The following SH3GLB1 variants were observed in gnomAD, a reference collection of about 807,000 sequenced individuals.
The protein encoded by SH3GLB1 is SH3 domain containing GRB2 like, endophilin B1, also known as endophilin-B1.
SH3GLB1 carries 17 observed loss-of-function variants against 42.0 expected under a neutral mutation model. The observed-to-expected ratio is 0.40, with a 90% CI of 0.28 to 0.61. The LOEUF is 0.61. SH3GLB1 is among the 20% of genes least tolerant of loss of function. The pLI is 0.36. For missense variants in SH3GLB1, 355 were observed against 426.3 expected, an observed-to-expected ratio of 0.83 and a Z score of 1.47; for synonymous variants, 132 against 146.6, an observed-to-expected ratio of 0.90 and a Z score of 0.72.
intron 1 of SH3GLB1, among the ~76,000 whole-genome samples, chr1:86,709,759 A>C (rs1558291232): frequency 6.6e-6 from 1 of 152,226 alleles, no homozygotes; most frequent in Admixed American, 6.5e-5. Flanking sequence ...TTAAAGTCAT[A>C]CTATGAAATT....
intron 5 of SH3GLB1, among the ~76,000 whole-genome samples, chr1:86,732,221 A>G (rs1157096567): frequency 6.6e-6 from 1 of 152,234 alleles, no homozygotes; most frequent in Non-Finnish European, 1.5e-5. Flanking sequence ...CAGATACCCA[A>G]TCTTGATATC....
rs1053588026 is a variant in SH3GLB1, at chr1:86,746,704, C to G, written c.*3469C>G. 2.0e-5 allele frequency: 3 copies of G among 152,170 alleles called. No individual in the cohort carries two copies. Among genetic ancestry groups the G allele is most frequent in the African/African-American group, 7.2e-5 (3 of 41,416 alleles). 9.4% of individuals were successfully genotyped at this position (152,170 alleles called of 1,614,324 possible). A position where few individuals can be genotyped will look rare whatever the true frequency, so the allele number is the denominator to read the frequency against. ...CCAACATGGGGAAACCCTGTCTCTA[C>G]TGAAAATATAAAAATTAGCCGGGCA... On this transcript the variant is annotated 3_prime_UTR_variant, in exon 9 of 9. Coordinates refer to ENST00000370558, the MANE Select transcript of SH3GLB1 (RefSeq NM_016009.5).
chr1:86,704,853 G>C lies in SH3GLB1; in HGVS notation c.-47G>C. On this transcript the variant is annotated 5_prime_UTR_variant, in exon 1 of 9. Coordinates refer to ENST00000370558, the MANE Select transcript of SH3GLB1 (RefSeq NM_016009.5). Reference sequence around the variant, plus strand: ...GCCCCAGCCCGGCCGCGGCACCTCCGCCTCGCCGCCGCTAGGTCGGCCGGC... The same window carrying C: ...GCCCCAGCCCGGCCGCGGCACCTCCCCCTCGCCGCCGCTAGGTCGGCCGGC... The C allele has an allele frequency of 7.1e-7, 1 of 1,404,002 alleles. No homozygotes were observed. The highest frequency in any genetic ancestry group is 1.5e-5 in the African/African-American group (1 of 67,028). 87.0% of individuals were successfully genotyped at this position (1,404,002 alleles called of 1,614,324 possible). A position where few individuals can be genotyped will look rare whatever the true frequency, so the allele number is the denominator to read the frequency against.
chr1:86,723,181 C>G (rs1377259292), intron 4 of SH3GLB1, among the ~76,000 whole-genome samples: 1 of 152,052 alleles, frequency 6.6e-6, no homozygotes, highest in Non-Finnish European at 1.5e-5. Flanking sequence ...AATATTTGGC[C>G]TGAGACAGAA....
In SH3GLB1 at chr1:86,745,587, G is replaced by A. The variant is rs913405664; in HGVS notation, c.*2352G>A. Reference sequence around the variant, plus strand: ...AAGTTGATTTTAGTTACCCAGTAATGTACAGAAACCTTCAATAATGTTAAG... The same window carrying A: ...AAGTTGATTTTAGTTACCCAGTAATATACAGAAACCTTCAATAATGTTAAG... On this transcript the variant is annotated 3_prime_UTR_variant, in exon 9 of 9. Coordinates refer to ENST00000370558, the MANE Select transcript of SH3GLB1 (RefSeq NM_016009.5). The A allele has an allele frequency of 5.3e-5, 8 of 152,148 alleles. No individual in the cohort carries two copies. The highest frequency in any genetic ancestry group is 1.7e-4 in the African/African-American group (7 of 41,420). 9.4% of individuals were successfully genotyped at this position (152,148 alleles called of 1,614,324 possible).
At chr1:86,706,207 A>G (rs761373514) in intron 1 of SH3GLB1, among the ~76,000 whole-genome samples, 4 of 152,270 alleles carry the variant, frequency 2.6e-5, no homozygotes, top group Non-Finnish European at 4.4e-5. Flanking sequence ...GTAAATAACC[A>G]GGTGCTGTCT....
intron 5 of SH3GLB1, among the ~76,000 whole-genome samples, chr1:86,732,561 C>T (rs1388675841): frequency 6.6e-6 from 1 of 152,140 alleles, no homozygotes; most frequent in Non-Finnish European, 1.5e-5. Context: ...CCAATATGCA[C>T]TAAAACTTGT....
intron 8 of SH3GLB1, 61 bp downstream of exon 8, chr1:86,742,497 T>A (rs759347829): frequency 1.1e-4 from 142 of 1,258,008 alleles, no homozygotes; most frequent in Non-Finnish European, 1.6e-4. Context: ...TCTAATATTA[T>A]AACAAAATGC....
chr1:86,706,050 A>G (rs1296377678), intron 1 of SH3GLB1, among the ~76,000 whole-genome samples: 1 of 152,230 alleles, frequency 6.6e-6, no homozygotes, highest in African/African-American at 2.4e-5. Context: ...ATAGCTGCCT[A>G]TATTATGAAA....
In SH3GLB1 at chr1:86,735,157, G is replaced by A. The variant is rs1655719505; in HGVS notation, c.739G>A (p.Asp247Asn). Residue 247 changes from aspartate (D) to asparagine (N), a missense_variant, in exon 7 of 9, where the codon GAC becomes AAC. Transcript: ENST00000370558. ...TGCACAGTGTTACCAGTATATGTTGGACCTCCAGAAACAACTGGGAAGGTG... is the reference window on the plus strand; with the variant it reads ...TGCACAGTGTTACCAGTATATGTTGAACCTCCAGAAACAACTGGGAAGGTG... ...YYAQCYQYML[D>N]LQKQLGSFPS... 3 of 1,611,754 alleles carry A rather than the reference G, an allele frequency of 1.9e-6. No homozygotes were observed. The South Asian group carries it at 3.3e-5, about 18-fold the overall frequency.
At chr1:86,716,252 G>A (rs1654521935) in intron 2 of SH3GLB1, among the ~76,000 whole-genome samples, 1 of 149,140 alleles carries the variant, frequency 6.7e-6, no homozygotes, top group Non-Finnish European at 1.5e-5. Context: ...AGTTTTTGGT[G>A]TGTTTTTTTG....
In SH3GLB1 at chr1:86,744,704, A is replaced by C. The variant is rs1656216540; in HGVS notation, c.*1469A>C. ...GATACTTTTTGGTACTTTTAAAAAA[A>C]TGAATACTTAAACACCGTTTTAAAA... On this transcript the variant is annotated 3_prime_UTR_variant, in exon 9 of 9. Coordinates refer to ENST00000370558, the MANE Select transcript of SH3GLB1 (RefSeq NM_016009.5). 6.6e-6 allele frequency: 1 copy of C among 152,254 alleles called. No homozygotes were observed. The highest frequency in any genetic ancestry group is 1.5e-5 in the Non-Finnish European group (1 of 68,038). The allele number at this position is 152,254 out of a possible 1,614,324, so 9.4% of individuals were successfully genotyped here. A position where few individuals can be genotyped will look rare whatever the true frequency, so the allele number is the denominator to read the frequency against.
At chr1:86,713,905 A>G (rs892254706) in intron 1 of SH3GLB1, among the ~76,000 whole-genome samples, 2 of 152,236 alleles carry the variant, frequency 1.3e-5, no homozygotes, top group African/African-American at 4.8e-5. Context: ...TAAGCTTCCT[A>G]AGAACAGAAA....
At chr1:86,737,974 T>C (rs1655859182) in intron 7 of SH3GLB1, among the ~76,000 whole-genome samples, 1 of 152,166 alleles carries the variant, frequency 6.6e-6, no homozygotes, top group South Asian at 2.1e-4. Context: ...AGCCAAAACA[T>C]ATAGGGCTTC....
intron 7 of SH3GLB1, among the ~76,000 whole-genome samples, chr1:86,738,276 G>GT (rs1655880387): frequency 2.6e-5 from 4 of 151,310 alleles, no homozygotes; most frequent in South Asian, 4.2e-4. Flanking sequence ...GTTTTGTTTT[G>GT]TTTTTTTGAG....
chr1:86,715,111 C>T (rs1654431676), intron 1 of SH3GLB1, among the ~76,000 whole-genome samples: 1 of 152,090 alleles, frequency 6.6e-6, no homozygotes, highest in Admixed American at 6.5e-5. Context: ...TTCTGGGAAA[C>T]TATTTATCTA....
chr1:86,739,964 G>A (rs138760328), intron 7 of SH3GLB1, among the ~76,000 whole-genome samples: 78 of 152,152 alleles, frequency 5.1e-4, no homozygotes, highest in Non-Finnish European at 9.1e-4. Flanking sequence ...GGTCAATATG[G>A]TGAAACGCTG....
intron 5 of SH3GLB1, among the ~76,000 whole-genome samples, chr1:86,725,718 GA>G (rs1208137021): frequency 1.3e-5 from 2 of 152,136 alleles, no homozygotes; most frequent in Non-Finnish European, 2.9e-5. Context: ...TAAAAAGGTT[GA>G]AAATTGGTTT....
Position 86,704,792 on chromosome 1 carries a change from C to T in SH3GLB1, c.-108C>T, listed in dbSNP as rs1653719288. The T allele has an allele frequency of 3.4e-6, 2 of 591,554 alleles. No homozygotes were observed. Among genetic ancestry groups the T allele is most frequent in the African/African-American group, 2.0e-5 (1 of 49,930 alleles). 36.6% of individuals were successfully genotyped at this position (591,554 alleles called of 1,614,324 possible). A position where few individuals can be genotyped will look rare whatever the true frequency, so the allele number is the denominator to read the frequency against. ...CTGCGGGGCTGGCGCCGCCTCCCTCCACCTACCACGTCTGCCCTCGCCGCT... is the reference window on the plus strand; with the variant it reads ...CTGCGGGGCTGGCGCCGCCTCCCTCTACCTACCACGTCTGCCCTCGCCGCT... On this transcript the variant is annotated 5_prime_UTR_variant, in exon 1 of 9. Transcript: ENST00000370558.
Sources: gnomAD v4.1 joint callset for allele counts (sites outside exome capture counted in the v4.1 genomes callset) on GRCh38, gnomAD v4.1.1 for gene constraint, MANE v1.5 for transcripts, NCBI Gene and HGNC (gene_info 2026-07-23, HGNC 2026-07-21) for gene names.